The following UCK2 variants were observed in gnomAD, a reference collection of about 807,000 sequenced individuals.
UCK2 encodes the protein cytidine monophosphokinase 2.
In UCK2, 6 loss-of-function variants were observed where a neutral mutation model predicts 30.8. The ratio of observed to expected loss-of-function variants is 0.19; its 90% CI spans 0.11 to 0.38. The LOEUF (loss-of-function observed/expected upper bound fraction) is 0.38, where lower values mean the gene tolerates loss of function less well. Among genes scored for constraint, UCK2 ranks in the 10% least tolerant of loss-of-function variants. The pLI is 1.00. For missense variants in UCK2, 210 were observed against 339.8 expected (o/e 0.62, Z 3.00); for synonymous variants, 125 against 133.6 (o/e 0.94, Z 0.45).
At chr1:165,838,932 C>T (rs1332549370) in intron 1 of UCK2, among the ~76,000 whole-genome samples, 1 of 152,186 alleles carries the variant, frequency 6.6e-6, no homozygotes, top group Non-Finnish European at 1.5e-5. Context: ...CCTGTAATCT[C>T]AGCTACTCGG....
intron 1 of UCK2, among the ~76,000 whole-genome samples, chr1:165,889,619 A>T (rs940196097): frequency 6.7e-6 from 1 of 149,224 alleles, no homozygotes; most frequent in East Asian, 2.0e-4. Context: ...AAGGGAAGGG[A>T]GGAAGGAACT....
At position 165,903,186 on chromosome 1, in the gene UCK2, AAGGGACATC is replaced by A; in HGVS notation, c.507_515del (p.Arg169_Ile171del). The A allele has an allele frequency of 6.2e-7, 1 of 1,613,598 alleles. No homozygotes were observed. The highest frequency in any genetic ancestry group is 1.1e-5 in the South Asian group (1 of 91,056). On this transcript the variant is annotated inframe_deletion, in exon 5 of 7. Coordinates refer to ENST00000367879, the MANE Select transcript of UCK2 (RefSeq NM_012474.5). ...TTGTTTTCCCTTCTCTTACAGTATT[AAGGGACATC>A]AGCGAGAGAGGCAGGGATCTTGAGC...
chr1:165,846,384 C>T (rs1364066708), intron 1 of UCK2, among the ~76,000 whole-genome samples: 1 of 152,166 alleles, frequency 6.6e-6, no homozygotes, highest in African/African-American at 2.4e-5. Flanking sequence ...GGGATTTTGA[C>T]TGTGGTCTTT....
chr1:165,861,653 A>AAAAAAAAT (rs1654907737), intron 1 of UCK2, among the ~76,000 whole-genome samples: 1 of 114,394 alleles, frequency 8.7e-6, no homozygotes, highest in Non-Finnish European at 1.9e-5. Context: ...AAAAAAACAA[A>AAAAAAAAT]AAAAAACAAC....
At chr1:165,877,399 C>T (rs764524335) in intron 1 of UCK2, among the ~76,000 whole-genome samples, 12 of 152,170 alleles carry the variant, frequency 7.9e-5, no homozygotes, top group Non-Finnish European at 1.5e-4. Flanking sequence ...ACACTTCCAT[C>T]GCTACTGCTG....
At chr1:165,871,683 C>A (rs560293555) in intron 1 of UCK2, among the ~76,000 whole-genome samples, 2 of 151,346 alleles carry the variant, frequency 1.3e-5, no homozygotes, top group Non-Finnish European at 2.9e-5. Context: ...AGTGAGCTAC[C>A]GAGGAGTAAG....
Position 165,908,014 on chromosome 1 carries a change from G to A in UCK2, c.*191G>A. On this transcript the variant is annotated 3_prime_UTR_variant, in exon 7 of 7. Coordinates refer to ENST00000367879, the MANE Select transcript of UCK2 (RefSeq NM_012474.5). ...AAAATGAAACAGAACTTGACCCTGA[G>A]CTTAAATAACAAAACTGTGCCAACT... 1 of 784,778 alleles carries A rather than the reference G, an allele frequency of 1.3e-6. No homozygotes were observed. The highest frequency in any genetic ancestry group is 1.9e-6 in the Non-Finnish European group (1 of 532,904). 48.6% of individuals were successfully genotyped at this position (784,778 alleles called of 1,614,324 possible). A position where few individuals can be genotyped will look rare whatever the true frequency, so the allele number is the denominator to read the frequency against.
chr1:165,837,611 T>C (rs1654228302), intron 1 of UCK2, among the ~76,000 whole-genome samples: 1 of 152,182 alleles, frequency 6.6e-6, no homozygotes, highest in Admixed American at 6.5e-5. Flanking sequence ...ACAGAATTTT[T>C]TTCCCTTGCC....
chr1:165,852,473 A>G (rs1654622240), intron 1 of UCK2, among the ~76,000 whole-genome samples: 1 of 152,232 alleles, frequency 6.6e-6, no homozygotes, highest in African/African-American at 2.4e-5. Flanking sequence ...AAAGCTCAAC[A>G]ACACTGATCA....
intron 1 of UCK2, 55 bp downstream of exon 1, chr1:165,827,987 C>T: frequency 1.1e-5 from 14 of 1,224,880 alleles, no homozygotes; most frequent in Non-Finnish European, 1.4e-5. Context: ...CTGGGCGGCG[C>T]ATGTGGCCGG....
chr1:165,884,203 C>T (rs1165076323), intron 1 of UCK2, among the ~76,000 whole-genome samples: 1 of 152,204 alleles, frequency 6.6e-6, no homozygotes, highest in African/African-American at 2.4e-5. Flanking sequence ...GGAGGCCAAG[C>T]GTCTGGCCTT....
chr1:165,886,999 C>T (rs1426486194), intron 1 of UCK2, among the ~76,000 whole-genome samples: 1 of 152,172 alleles, frequency 6.6e-6, no homozygotes, highest in Non-Finnish European at 1.5e-5. Context: ...TTATTTATCT[C>T]CTTCCTGATA....
chr1:165,909,273 T>C lies in UCK2; in HGVS notation c.*1450T>C, dbSNP rs1045091585. 1 of 152,190 alleles carries C rather than the reference T, an allele frequency of 6.6e-6. No homozygotes were observed. Among genetic ancestry groups the C allele is most frequent in the African/African-American group, 2.4e-5 (1 of 41,434 alleles). The allele number at this position is 152,190 out of a possible 1,614,324, so 9.4% of individuals were successfully genotyped here. On this transcript the variant is annotated 3_prime_UTR_variant, in exon 7 of 7. Coordinates refer to ENST00000367879, the MANE Select transcript of UCK2 (RefSeq NM_012474.5). Reference sequence around the variant, plus strand: ...GATTATAGAGTCCCGAGCCTCAGTTTCTGACTGCAGAAGAGCCAGAGATGT... The same window carrying C: ...GATTATAGAGTCCCGAGCCTCAGTTCCTGACTGCAGAAGAGCCAGAGATGT...
chr1:165,846,576 T>G (rs182629768), intron 1 of UCK2, among the ~76,000 whole-genome samples: 3 of 152,328 alleles, frequency 2.0e-5, no homozygotes, highest in African/African-American at 7.2e-5. Context: ...GATCCATGGA[T>G]AGGAGTCAGA....
At chr1:165,867,718 C>T (rs1023641448) in intron 1 of UCK2, among the ~76,000 whole-genome samples, 6 of 152,244 alleles carry the variant, frequency 3.9e-5, no homozygotes, top group Admixed American at 6.5e-5. Flanking sequence ...TTCTAGTTCT[C>T]TTGCTGTTTC....
chr1:165,857,828 C>T (rs1484567422), intron 1 of UCK2, among the ~76,000 whole-genome samples: 1 of 152,186 alleles, frequency 6.6e-6, no homozygotes, highest in Non-Finnish European at 1.5e-5. Context: ...CTTACTTTCT[C>T]CCTTTTACCC....
chr1:165,851,012 C>G (rs978516614), intron 1 of UCK2, among the ~76,000 whole-genome samples: 8 of 150,918 alleles, frequency 5.3e-5, no homozygotes, highest in Non-Finnish European at 1.0e-4. Flanking sequence ...AATCCTCCCC[C>G]TTTGCCCTCC....
rs560782011 is a variant in UCK2 at position 165,897,212 on chromosome 1, G to T, written c.499+880G>T. 4.8e-4 allele frequency among the ~76,000 whole-genome samples: 73 copies of T among 152,200 alleles called. 1 individual carries two copies. In the Middle Eastern group the frequency reaches 0.014, roughly 28 times the overall value. On this transcript the variant is annotated intron_variant, in intron 4 of 6. Coordinates refer to ENST00000367879, the MANE Select transcript of UCK2 (RefSeq NM_012474.5). ...TTTAGAGACTGAGATCTCTAGTCTGGTTCTCGGTGGGCAAGGGAGAGCCAC... is the reference window on the plus strand; with the variant it reads ...TTTAGAGACTGAGATCTCTAGTCTGTTTCTCGGTGGGCAAGGGAGAGCCAC...
intron 3 of UCK2, chr1:165,894,105 C>CT (rs1440571332): frequency 6.6e-6 from 1 of 152,154 alleles, no homozygotes; most frequent in Non-Finnish European, 1.5e-5. Flanking sequence ...CTCTCTCCCC[C>CT]TGCCATATTA....
Sources: allele counts gnomAD v4.1 joint callset (sites outside exome capture counted in the v4.1 genomes callset), GRCh38; gene constraint gnomAD v4.1.1; transcripts MANE v1.5; gene names NCBI Gene and HGNC (gene_info 2026-07-23, HGNC 2026-07-21).